The following SKAP1 variants were observed in gnomAD, a reference collection of about 807,000 sequenced individuals.
SKAP1 encodes the protein src kinase associated phosphoprotein 1, also known as src kinase-associated phosphoprotein 1.
In SKAP1, 44 loss-of-function variants were observed where a neutral mutation model predicts 58.5. The observed-to-expected ratio is 0.75, with a 90% CI of 0.59 to 0.97. The LOEUF (loss-of-function observed/expected upper bound fraction) is 0.97. SKAP1 is among the 50% of genes least tolerant of loss of function. The pLI, the probability that SKAP1 is intolerant of heterozygous loss-of-function variation, is 0.00. For synonymous variants in SKAP1, 127 were observed against 149.7 expected, an observed-to-expected ratio of 0.85 and a Z score of 1.11; for missense variants, 390 against 435.2, an observed-to-expected ratio of 0.90 and a Z score of 0.92.
intron 4 of SKAP1, among the ~76,000 whole-genome samples, chr17:48,270,114 C>T (rs961756902): frequency 4.6e-5 from 7 of 151,704 alleles, no homozygotes; most frequent in Non-Finnish European, 1.0e-4. Context: ...TCTGTCTCAA[C>T]AAAAAGAAAA....
At chr17:48,421,221 G>A (rs2067789281) in intron 1 of SKAP1, among the ~76,000 whole-genome samples, 1 of 151,816 alleles carries the variant, frequency 6.6e-6, no homozygotes, top group African/African-American at 2.4e-5. Flanking sequence ...AAACAAAAGG[G>A]AGGAGAATAG....
intron 11 of SKAP1, among the ~76,000 whole-genome samples, chr17:48,142,981 C>A (rs1299476537): frequency 7.5e-6 from 1 of 133,004 alleles, no homozygotes; most frequent in Non-Finnish European, 1.6e-5. Flanking sequence ...AAAAAAAAAA[C>A]TTTTTTTTTT....
intron 4 of SKAP1, among the ~76,000 whole-genome samples, chr17:48,221,260 C>T (rs771239572): frequency 1.3e-5 from 2 of 152,082 alleles, no homozygotes; most frequent in Non-Finnish European, 2.9e-5. Flanking sequence ...GAGTGAGACT[C>T]TGTCTCAATA....
At chr17:48,136,709 C>T (rs2063703794) in intron 12 of SKAP1, 1 of 146,678 alleles carries the variant, frequency 6.8e-6, no homozygotes, top group Non-Finnish European at 1.5e-5. Context: ...GAGTCTCACT[C>T]TGTTGCCCAG....
intron 4 of SKAP1, among the ~76,000 whole-genome samples, chr17:48,325,248 CAAAAAAAAAAAAAAAA>C (rs200281665): frequency 0.27 from 25,201 of 92,016 alleles, 2,532 homozygotes; most frequent in Middle Eastern, 0.31. Flanking sequence ...GACTCCGTCT[CAAAAAAAAAAAAAAAA>C]AAAAAAAAAA....
intron 4 of SKAP1, among the ~76,000 whole-genome samples, chr17:48,295,954 G>A (rs565802653): frequency 3.0e-4 from 45 of 151,812 alleles, no homozygotes; most frequent in Non-Finnish European, 1.6e-4. Context: ...ATACACATAC[G>A]ATATATGCAA....
At chr17:48,444,018 G>C in the SKAP1 span, among the ~76,000 whole-genome samples, 3 of 151,922 alleles carry the variant, frequency 2.0e-5, no homozygotes, top group African/African-American at 7.3e-5. Context: ...CTGAATTTGA[G>C]AGTAAATTAC....
chr17:48,421,331 T>C (rs1239995706), intron 1 of SKAP1, among the ~76,000 whole-genome samples: 2 of 150,244 alleles, frequency 1.3e-5, no homozygotes, highest in African/African-American at 2.5e-5. Context: ...AGACGAATTT[T>C]GCTCTGTCAC....
At chr17:48,375,907 T>C (rs532083739) in intron 2 of SKAP1, among the ~76,000 whole-genome samples, 1 of 152,248 alleles carries the variant, frequency 6.6e-6, no homozygotes, top group African/African-American at 2.4e-5. Context: ...AGGAAGCTAC[T>C]TGAGAGCAAG....
the SKAP1 span, among the ~76,000 whole-genome samples, chr17:48,440,246 G>A: frequency 1.3e-5 from 2 of 152,188 alleles, no homozygotes; most frequent in African/African-American, 4.8e-5. Flanking sequence ...TGCAATGGAA[G>A]CTCTGTGGTC....
chr17:48,438,492 T>A, the SKAP1 span, among the ~76,000 whole-genome samples: 1 of 152,238 alleles, frequency 6.6e-6, no homozygotes, highest in Admixed American at 6.5e-5. Flanking sequence ...TTTTCCTCTT[T>A]ATCAAGCTAA....
intron 2 of SKAP1, among the ~76,000 whole-genome samples, chr17:48,378,143 T>C (rs1409854255): frequency 6.6e-6 from 1 of 152,142 alleles, no homozygotes; most frequent in East Asian, 1.9e-4. Context: ...ATCTGAGCTT[T>C]CAAAAGGCCT....
intron 1 of SKAP1, among the ~76,000 whole-genome samples, chr17:48,399,993 C>T (rs891064800): frequency 6.6e-5 from 10 of 152,038 alleles, no homozygotes; most frequent in African/African-American, 2.2e-4. Context: ...GTATATGGAA[C>T]ACCCTAAGGA....
intron 2 of SKAP1, among the ~76,000 whole-genome samples, chr17:48,381,833 GT>G (rs975155722): frequency 1.3e-5 from 2 of 152,126 alleles, no homozygotes; most frequent in African/African-American, 4.8e-5. Flanking sequence ...TGGGACCTAT[GT>G]TGTGTTCACC....
At chr17:48,304,166 T>A (rs1401492194) in intron 4 of SKAP1, among the ~76,000 whole-genome samples, 1 of 152,174 alleles carries the variant, frequency 6.6e-6, no homozygotes, top group East Asian at 1.9e-4. Context: ...TTAAGCATAA[T>A]GGACCTCTAT....
intron 4 of SKAP1, among the ~76,000 whole-genome samples, chr17:48,288,907 T>C (rs1479400147): frequency 6.6e-6 from 1 of 152,172 alleles, no homozygotes; most frequent in Non-Finnish European, 1.5e-5. Context: ...AATAGCTACT[T>C]GTAATATAAC....
the SKAP1 span, among the ~76,000 whole-genome samples, chr17:48,439,825 G>C: frequency 1.3e-5 from 2 of 152,126 alleles, no homozygotes; most frequent in Non-Finnish European, 2.9e-5. Flanking sequence ...AAACATGAGG[G>C]CCTGTGTTCT....
chr17:48,368,912 T>A (rs924603059), intron 2 of SKAP1, among the ~76,000 whole-genome samples: 2 of 152,186 alleles, frequency 1.3e-5, no homozygotes, highest in African/African-American at 4.8e-5. Flanking sequence ...CTTGCGCCTG[T>A]AATCCCAGCA....
At chr17:48,380,567 A>C (rs908329102) in intron 2 of SKAP1, among the ~76,000 whole-genome samples, 1 of 152,204 alleles carries the variant, frequency 6.6e-6, no homozygotes, top group African/African-American at 2.4e-5. Context: ...TAGCATCTCC[A>C]GGGTAGGGGC....
Sources: gnomAD v4.1 joint callset for allele counts (sites outside exome capture counted in the v4.1 genomes callset) on GRCh38, gnomAD v4.1.1 for gene constraint, MANE v1.5 for transcripts, NCBI Gene and HGNC (gene_info 2026-07-23, HGNC 2026-07-21) for gene names.